The following SH3GL3 variants were observed in gnomAD, a reference collection of about 807,000 sequenced individuals.
The protein encoded by SH3GL3 is SH3 domain containing GRB2 like 3, endophilin A3.
SH3GL3 carries 33 observed loss-of-function variants against 47.7 expected under a neutral mutation model. The observed-to-expected ratio is 0.69, with a 90% CI of 0.52 to 0.92. SH3GL3 has a LOEUF of 0.92. Among genes scored for constraint, SH3GL3 ranks in the 40% least tolerant of loss-of-function variants. The probability of loss-of-function intolerance (pLI) is 0.00; values close to 1 mark genes in which losing one functional copy is unlikely to be tolerated. For synonymous variants in SH3GL3, 155 were observed against 148.8 expected (o/e 1.04, Z -0.30); for missense variants, 363 against 417.8 (o/e 0.87, Z 1.14).
chr15:83,492,599 A>G (rs2041920329), intron 1 of SH3GL3, among the ~76,000 whole-genome samples: 1 of 152,202 alleles, frequency 6.6e-6, no homozygotes, highest in African/African-American at 2.4e-5. Flanking sequence ...CCCCAAGGTT[A>G]CACATGGTAA....
intron 1 of SH3GL3, among the ~76,000 whole-genome samples, chr15:83,542,668 T>A (rs2044220376): frequency 6.6e-6 from 1 of 152,180 alleles, no homozygotes; most frequent in African/African-American, 2.4e-5. Flanking sequence ...ATCGTTTTCA[T>A]TGTAGAGATA....
At chr15:83,625,319 T>A in the SH3GL3 span, among the ~76,000 whole-genome samples, 1 of 152,250 alleles carries the variant, frequency 6.6e-6, no homozygotes, top group Non-Finnish European at 1.5e-5. Flanking sequence ...ATCAGAACTG[T>A]GCTCTGAAGG....
intron 1 of SH3GL3, among the ~76,000 whole-genome samples, chr15:83,553,225 A>G (rs1181444255): frequency 6.6e-6 from 1 of 152,190 alleles, no homozygotes; most frequent in Non-Finnish European, 1.5e-5. Context: ...AAAACAAAAA[A>G]CAAAGACAGG....
the SH3GL3 span, among the ~76,000 whole-genome samples, chr15:83,633,340 T>C: frequency 6.6e-6 from 1 of 152,210 alleles, no homozygotes; most frequent in Non-Finnish European, 1.5e-5. Flanking sequence ...TTATTTTTCT[T>C]CTTTTCTCTT....
At chr15:83,502,575 T>C (rs945549493) in intron 1 of SH3GL3, among the ~76,000 whole-genome samples, 5 of 152,200 alleles carry the variant, frequency 3.3e-5, no homozygotes, top group South Asian at 2.1e-4. Context: ...TTGTTTTGTA[T>C]TGAGGCAAAG....
At chr15:83,588,595 G>A in intron 7 of SH3GL3, 67 bp from the exon 8 acceptor site, 1 of 982,100 alleles carries the variant, frequency 1.0e-6, no homozygotes, top group Non-Finnish European at 1.6e-6. Flanking sequence ...CAACAAGGCA[G>A]AGAGGATGTG....
At chr15:83,480,995 G>T (rs375080424) in intron 1 of SH3GL3, among the ~76,000 whole-genome samples, 1 of 152,180 alleles carries the variant, frequency 6.6e-6, no homozygotes, top group East Asian at 1.9e-4. Context: ...ATAATTCCTG[G>T]CTGTGCACGG....
intron 1 of SH3GL3, among the ~76,000 whole-genome samples, chr15:83,499,382 A>T (rs1596115681): frequency 1.4e-5 from 2 of 145,256 alleles, no homozygotes; most frequent in African/African-American, 5.1e-5. Context: ...CCTGGGCGAC[A>T]GAGACTCCAT....
intron 1 of SH3GL3, among the ~76,000 whole-genome samples, chr15:83,457,186 C>G (rs1293577269): frequency 2.0e-5 from 3 of 152,208 alleles, no homozygotes; most frequent in African/African-American, 7.2e-5. Flanking sequence ...TCTGGACCTT[C>G]TTGTCTTCCA....
At chr15:83,553,214 A>G (rs2044757402) in intron 1 of SH3GL3, among the ~76,000 whole-genome samples, 1 of 152,184 alleles carries the variant, frequency 6.6e-6, no homozygotes, top group Non-Finnish European at 1.5e-5. Context: ...CCTGTCTCAA[A>G]AAAACAAAAA....
At chr15:83,618,035 A>G in intron 8 of SH3GL3, 47 bp from the exon 9 acceptor site, 3 of 1,238,620 alleles carry the variant, frequency 2.4e-6, no homozygotes, top group Non-Finnish European at 3.6e-6. Context: ...CCCATGGATA[A>G]TCCATCATGT....
At chr15:83,588,875 G>C (rs2060019687) in intron 8 of SH3GL3, 104 bp downstream of exon 8, 9 of 674,374 alleles carry the variant, frequency 1.3e-5, no homozygotes, top group Non-Finnish European at 2.4e-5. Context: ...ACAGACCCTG[G>C]ATATCTTTCT....
intron 8 of SH3GL3, 127 bp from the exon 9 acceptor site, chr15:83,617,955 G>C: frequency 1.5e-6 from 1 of 669,898 alleles, no homozygotes; most frequent in South Asian, 1.8e-5. Flanking sequence ...GCTGGGTGGA[G>C]CTGGCCTTGT....
chr15:83,553,574 T>C (rs538662026), intron 1 of SH3GL3, among the ~76,000 whole-genome samples: 52 of 152,338 alleles, frequency 3.4e-4, no homozygotes, highest in Non-Finnish European at 6.9e-4. Context: ...ATGGATACTA[T>C]GTTATAACAT....
At chr15:83,577,837 T>G (rs999477315) in intron 6 of SH3GL3, among the ~76,000 whole-genome samples, 1 of 152,206 alleles carries the variant, frequency 6.6e-6, no homozygotes, top group Non-Finnish European at 1.5e-5. Flanking sequence ...GTCGAGGTCA[T>G]GTAGTAATTT....
intron 1 of SH3GL3, among the ~76,000 whole-genome samples, chr15:83,479,682 G>A (rs2041257446): frequency 2.6e-5 from 4 of 152,116 alleles, no homozygotes; most frequent in Non-Finnish European, 4.4e-5. Context: ...GGGTAAAAAG[G>A]CCTCCAGACT....
intron 1 of SH3GL3, among the ~76,000 whole-genome samples, chr15:83,539,162 C>G (rs1488862083): frequency 6.6e-6 from 1 of 152,128 alleles, no homozygotes; most frequent in African/African-American, 2.4e-5. Context: ...GGATTATTGT[C>G]TTAGTCCTTA....
intron 1 of SH3GL3, among the ~76,000 whole-genome samples, chr15:83,539,673 TC>T (rs1300153359): frequency 6.6e-6 from 1 of 152,202 alleles, no homozygotes; most frequent in Non-Finnish European, 1.5e-5. Context: ...GAAAACATCT[TC>T]TACTCTGTGG....
intron 1 of SH3GL3, among the ~76,000 whole-genome samples, chr15:83,501,469 T>A (rs768666951): frequency 6.6e-6 from 1 of 152,234 alleles, no homozygotes. Flanking sequence ...AGAGGTGGAA[T>A]TCAGAGTGAG....
Sources: allele counts gnomAD v4.1 joint callset (sites outside exome capture counted in the v4.1 genomes callset), GRCh38; gene constraint gnomAD v4.1.1; transcripts MANE v1.5; gene names NCBI Gene and HGNC (gene_info 2026-07-23, HGNC 2026-07-21).